The following PTPRS variants were observed in gnomAD, a reference collection of about 807,000 sequenced individuals.
The protein encoded by PTPRS is receptor-type tyrosine-protein phosphatase S.
A neutral mutation model predicts 215.3 loss-of-function variants in PTPRS; 63 were observed. The observed-to-expected ratio is 0.29, with a 90% CI of 0.24 to 0.36. The LOEUF (loss-of-function observed/expected upper bound fraction) is 0.36, where lower values mean the gene tolerates loss of function less well. Ranked by LOEUF, PTPRS falls within the 10% of genes least tolerant of loss-of-function variation. The pLI is 1.00. For missense variants in PTPRS, 2,258 were observed against 2,825.8 expected, an observed-to-expected ratio of 0.80 and a Z score of 4.56; for synonymous variants, 1,404 against 1,191.4, an observed-to-expected ratio of 1.18 and a Z score of -3.68.
chr19:5,323,767 G>A (rs1031446065), intron 1 of PTPRS, among the ~76,000 whole-genome samples: 1 of 152,188 alleles, frequency 6.6e-6, no homozygotes, highest in Non-Finnish European at 1.5e-5. Flanking sequence ...GAGCCATAGA[G>A]GGCTATAGGC....
chr19:5,211,467 GTATT>G, intron 33 of PTPRS, 119 bp downstream of exon 33: 1 of 952,786 alleles, frequency 1.0e-6, no homozygotes, highest in Non-Finnish European at 1.5e-6. Context: ...CTAAAGATGT[GTATT>G]TAAACAGCTC....
rs953303136 is a variant in PTPRS at position 5,279,185 on chromosome 19, C to CA, written c.92-4842dup. Among the ~76,000 whole-genome samples the CA allele has an allele frequency of 1.5e-3, 205 of 139,298 alleles. 1 individual carries two copies. The highest frequency in any genetic ancestry group is 4.0e-3 in the African/African-American group (151 of 37,786). 91.4% of individuals were successfully genotyped at this position (139,298 alleles called of 152,430 possible). A position where few individuals can be genotyped will look rare whatever the true frequency, so the allele number is the denominator to read the frequency against. Reference sequence around the variant, plus strand: ...GGGGCAACAGACCAAAACTCTGTCTCAAAAAAAAAAGAAAAAAGGAAAAAG... The same window carrying CA: ...GGGGCAACAGACCAAAACTCTGTCTCAAAAAAAAAAAGAAAAAAGGAAAAAG... On this transcript the variant is annotated intron_variant, in intron 2 of 37. Coordinates refer to ENST00000262963, the MANE Select transcript of PTPRS (RefSeq NM_002850.4).
intron 2 of PTPRS, among the ~76,000 whole-genome samples, chr19:5,280,239 A>G (rs2047731596): frequency 6.6e-6 from 1 of 152,216 alleles, no homozygotes; most frequent in South Asian, 2.1e-4. Flanking sequence ...AGAGGCCTTA[A>G]GAAGGCCCGA....
At chr19:5,314,030 A>G (rs145078898) in intron 1 of PTPRS, among the ~76,000 whole-genome samples, 4,981 of 151,962 alleles carry the variant, frequency 0.033, 123 homozygotes, top group Non-Finnish European at 0.05. Context: ...CCAGCTACTC[A>G]GTGGGCTAAG....
chr19:5,255,522 G>T (rs2045478482), intron 9 of PTPRS, among the ~76,000 whole-genome samples: 1 of 151,278 alleles, frequency 6.6e-6, no homozygotes, highest in Non-Finnish European at 1.5e-5. Flanking sequence ...TGAAGGGAAT[G>T]GGAGGGGAAA....
At position 5,338,838 on chromosome 19, in the gene PTPRS, G is replaced by A. The variant is rs975127178; in HGVS notation, c.-95+1826C>T. 6.6e-6 allele frequency among the ~76,000 whole-genome samples: 1 copy of A among 152,164 alleles called. No homozygotes were observed. The highest frequency in any genetic ancestry group is 1.5e-5 in the Non-Finnish European group (1 of 68,028). On this transcript the variant is annotated intron_variant, in intron 1 of 37. Transcript: ENST00000262963. The surrounding 1 kb of genome is among the most constrained non-coding windows in gnomAD (Gnocchi z 4.2). ...AGGAGCGGGATGGCTTCCTTCTCCC[G>A]GGCGAAAGGCGGCAGAAAGAGGGAA...
chr19:5,307,534 G>T (rs1292673050), intron 1 of PTPRS, among the ~76,000 whole-genome samples: 1 of 152,034 alleles, frequency 6.6e-6, no homozygotes, highest in Non-Finnish European at 1.5e-5. Flanking sequence ...AGAAAACAAG[G>T]TACAGAACAG....
intron 5 of PTPRS, 100 bp downstream of exon 5, chr19:5,264,904 CTCTG>C: frequency 3.7e-6 from 5 of 1,340,602 alleles, no homozygotes; most frequent in East Asian, 2.5e-5. Flanking sequence ...CACACACTGT[CTCTG>C]TCTGTCCTCC....
intron 26 of PTPRS, among the ~76,000 whole-genome samples, chr19:5,216,336 G>T (rs2041450164): frequency 6.6e-6 from 1 of 152,154 alleles, no homozygotes; most frequent in African/African-American, 2.4e-5. Flanking sequence ...TGTACCGGAT[G>T]TTCAGCTCTC....
intron 1 of PTPRS, 155 bp from the exon 2 acceptor site, chr19:5,286,389 G>GAT (rs2048353739): frequency 1.9e-6 from 1 of 531,984 alleles, no homozygotes; most frequent in South Asian, 2.1e-5. Context: ...GGGATGGAAT[G>GAT]AAAGTGCTGG....
chr19:5,309,010 C>A (rs1232215657), intron 1 of PTPRS, among the ~76,000 whole-genome samples: 1 of 152,140 alleles, frequency 6.6e-6, no homozygotes, highest in Non-Finnish European at 1.5e-5. Flanking sequence ...ACCAAGACCC[C>A]CTGGCCCTAC....
chr19:5,244,859 C>A lies in PTPRS; in HGVS notation c.989-377G>T, dbSNP rs903449089. Among the ~76,000 whole-genome samples the A allele has an allele frequency of 6.6e-6, 1 of 151,420 alleles. No individual in the cohort carries two copies. Among genetic ancestry groups the A allele is most frequent in the Non-Finnish European group, 1.5e-5 (1 of 67,896 alleles). On this transcript the variant is annotated intron_variant, in intron 10 of 37. Coordinates refer to ENST00000262963, the MANE Select transcript of PTPRS (RefSeq NM_002850.4). This position sits in a 1 kb window ranked among gnomAD's most constrained non-coding sequence, Gnocchi z 7.2. ...TAATTTTTTGTATTTTCAGTTGAGA[C>A]GGGTTTCACTGTGTTAGCCAGGATG...
chr19:5,321,657 G>C (rs2050027496), intron 1 of PTPRS, among the ~76,000 whole-genome samples: 1 of 152,206 alleles, frequency 6.6e-6, no homozygotes, highest in African/African-American at 2.4e-5. Context: ...AACTGAGACT[G>C]AGAAGTTCAG....
rs2146883908 is a variant in PTPRS at position 5,286,198 on chromosome 19, A to T, written c.-58T>A. ...GGGGGATGGCCCCCCGGTCCCTCAC[A>T]GAGAGGCCTCGAGCCGAGCGTCAGA... On this transcript the variant is annotated 5_prime_UTR_variant, in exon 2 of 38. Transcript: ENST00000262963. 6.3e-7 allele frequency: 1 copy of T among 1,589,114 alleles called. No individual in the cohort carries two copies. Among genetic ancestry groups the T allele is most frequent in the East Asian group, 2.3e-5 (1 of 43,704 alleles).
At chr19:5,302,470 T>C (rs1291942916) in intron 1 of PTPRS, among the ~76,000 whole-genome samples, 2 of 152,166 alleles carry the variant, frequency 1.3e-5, no homozygotes, top group Non-Finnish European at 2.9e-5. Context: ...CCCAAAAGAT[T>C]CTGCCCTGCC....
rs1477827374 is a variant in PTPRS at position 5,333,383 on chromosome 19, A to G, written c.-95+7281T>C. On this transcript the variant is annotated intron_variant, in intron 1 of 37. Transcript: ENST00000262963. ...CAGCTGGGCGTGCTGGTGGATGCCT[A>G]TAGTCCCCAGCTACTTGGGAGGCTG... 3.3e-5 allele frequency among the ~76,000 whole-genome samples: 5 copies of G among 151,582 alleles called. No individual in the cohort carries two copies. The East Asian group carries it at 7.7e-4, about 23-fold the overall frequency.
chr19:5,216,777 G>T lies in PTPRS; in HGVS notation c.4049-10C>A. 1 of 1,549,954 alleles carries T rather than the reference G, an allele frequency of 6.5e-7. No homozygotes were observed. Among genetic ancestry groups the T allele is most frequent in the Non-Finnish European group, 8.8e-7 (1 of 1,140,472 alleles). On this transcript the variant is annotated splice_polypyrimidine_tract_variant and intron_variant, in intron 25 of 37. Coordinates refer to ENST00000262963, the MANE Select transcript of PTPRS (RefSeq NM_002850.4). ...CTCCTGAGGCCTGAATCTGCAAACA[G>T]CAAACAATAAATAAATGAAAACATG...
chr19:5,251,209 C>T (rs2045027252), intron 9 of PTPRS, among the ~76,000 whole-genome samples: 1 of 152,086 alleles, frequency 6.6e-6, no homozygotes, highest in Non-Finnish European at 1.5e-5. Flanking sequence ...GTGGGCACCG[C>T]CCCTCAGCCC....
At chr19:5,215,211 G>A in intron 28 of PTPRS, 78 bp downstream of exon 28, 1 of 1,569,470 alleles carries the variant, frequency 6.4e-7, no homozygotes, top group South Asian at 1.1e-5. Flanking sequence ...GGCCTCAGTG[G>A]CCCAAGGGGA....
Sources: allele counts gnomAD v4.1 joint callset (sites outside exome capture counted in the v4.1 genomes callset), GRCh38; gene constraint gnomAD v4.1.1; non-coding constraint Gnocchi (gnomAD v3.1); transcripts MANE v1.5; gene names NCBI Gene and HGNC (gene_info 2026-07-23, HGNC 2026-07-21).